Variants in TMEFF2 observed in about 807,000 individuals in gnomAD.
The protein encoded by TMEFF2 is tomoregulin-2.
Under a neutral mutation model 53.8 loss-of-function variants are expected in TMEFF2, and 28 were observed. The ratio of observed to expected loss-of-function variants is 0.52; its 90% CI spans 0.39 to 0.71. The LOEUF (loss-of-function observed/expected upper bound fraction) is 0.71, where lower values mean the gene tolerates loss of function less well. TMEFF2 is among the 30% of genes least tolerant of loss of function. TMEFF2 has a pLI of 0.00. For synonymous variants in TMEFF2, 162 were observed against 166.3 expected (o/e 0.97, Z 0.20); for missense variants, 353 against 455.2 (o/e 0.78, Z 2.04).
At chr2:192,055,774 CAAAAAAAAA>C (rs71405038) in intron 5 of TMEFF2, among the ~76,000 whole-genome samples, 1 of 42,498 alleles carries the variant, frequency 2.4e-5, no homozygotes, top group Non-Finnish European at 4.6e-5. Flanking sequence ...GACTCCATCT[CAAAAAAAAA>C]AAAAAAAAAA....
chr2:192,157,752 T>C (rs1311521751), intron 4 of TMEFF2, among the ~76,000 whole-genome samples: 1 of 152,010 alleles, frequency 6.6e-6, no homozygotes, highest in Non-Finnish European at 1.5e-5. Flanking sequence ...AAAGATAAAA[T>C]CTTTGATAAT....
rs182604153 is a variant in TMEFF2 at position 192,139,216 on chromosome 2, G to A, written c.439+40452C>T. Among the ~76,000 whole-genome samples the A allele has an allele frequency of 1.5e-3, 223 of 152,278 alleles. 2 individuals carry two copies. The highest frequency in any genetic ancestry group is 3.4e-3 in the Middle Eastern group (1 of 294). ...ACTAAGGGACATTAAAGAAGTCTTC[G>A]CATAAAATATGTGTATATGTGATAT... On this transcript the variant is annotated intron_variant, in intron 4 of 9. Coordinates refer to ENST00000272771, the MANE Select transcript of TMEFF2 (RefSeq NM_016192.4).
Position 192,194,433 on chromosome 2 carries a change from A to G in TMEFF2, c.92T>C (p.Ile31Thr), listed in dbSNP as rs1691554155. Residue 31 changes from isoleucine to threonine, a missense_variant, in exon 1 of 10, where the codon ATC becomes ACC. By Grantham distance (89) the Ile-to-Thr change is moderately conservative. This residue lies in a region of TMEFF2 where 54 missense variants were observed against 41.8 expected (regional missense o/e 1.29). Coordinates refer to ENST00000272771, the MANE Select transcript of TMEFF2 (RefSeq NM_016192.4). This position sits in a 1 kb window ranked among gnomAD's most constrained non-coding sequence, Gnocchi z 4.2. ...WLLLLPVMLL[I>T]VARPVKLAAF... ...AGCGAGCTTCACCGGGCGGGCTACG[A>G]TGAGTAGCATGACGGGCAGCAGCAG... 1 of 1,614,108 alleles carries G rather than the reference A, an allele frequency of 6.2e-7. No individual in the cohort carries two copies. Among genetic ancestry groups the G allele is most frequent in the African/African-American group, 1.3e-5 (1 of 75,004 alleles).
chr2:192,059,388 A>G (rs948464910), intron 4 of TMEFF2, among the ~76,000 whole-genome samples: 3 of 152,232 alleles, frequency 2.0e-5, no homozygotes, highest in African/African-American at 7.2e-5. Flanking sequence ...ATTAGAGTGG[A>G]CCATGGGGAT....
At chr2:192,105,902 C>G (rs1689134714) in intron 4 of TMEFF2, among the ~76,000 whole-genome samples, 1 of 151,824 alleles carries the variant, frequency 6.6e-6, no homozygotes, top group Non-Finnish European at 1.5e-5. Context: ...AACACAGTCA[C>G]TATTGGGCAT....
chr2:191,957,520 G>A (rs1692142613), intron 7 of TMEFF2, among the ~76,000 whole-genome samples: 1 of 152,046 alleles, frequency 6.6e-6, no homozygotes, highest in Non-Finnish European at 1.5e-5. Flanking sequence ...CATATTCATT[G>A]GAAGAAAAAA....
At chr2:192,033,338 TTCATA>T (rs563132162) in intron 5 of TMEFF2, among the ~76,000 whole-genome samples, 1 of 152,188 alleles carries the variant, frequency 6.6e-6, no homozygotes, top group Non-Finnish European at 1.5e-5. Context: ...TCCTAATAAC[TTCATA>T]TAATAGATGT....
At chr2:191,998,209 G>C in intron 7 of TMEFF2, 53 bp downstream of exon 7, 1 of 1,383,156 alleles carries the variant, frequency 7.2e-7, no homozygotes, top group Non-Finnish European at 1.0e-6. Flanking sequence ...CCATTTCCCA[G>C]GACTCTCTTT....
At position 191,949,376 on chromosome 2, in the gene TMEFF2, C is replaced by CAAAGCTATTCATGGGGT; in HGVS notation, c.*918_*934dup. ...ACAAATTATGGTGCTGCATTAGCCA[C>CAAAGCTATTCATGGGGT]AAAGCTATTCATGGGGTATTGGTTG... On this transcript the variant is annotated 3_prime_UTR_variant, in exon 10 of 10. Coordinates refer to ENST00000272771, the MANE Select transcript of TMEFF2 (RefSeq NM_016192.4). 1.0e-6 allele frequency: 1 copy of CAAAGCTATTCATGGGGT among 985,360 alleles called. No individual in the cohort carries two copies. Among genetic ancestry groups the CAAAGCTATTCATGGGGT allele is most frequent in the Non-Finnish European group, 1.2e-6 (1 of 829,896 alleles). 61.0% of individuals were successfully genotyped at this position (985,360 alleles called of 1,614,324 possible).
intron 4 of TMEFF2, among the ~76,000 whole-genome samples, chr2:192,104,778 T>C (rs1428033883): frequency 6.6e-5 from 10 of 152,098 alleles, no homozygotes; most frequent in Admixed American, 6.6e-4. Flanking sequence ...AATACATTCA[T>C]TTCCTATCAT....
intron 9 of TMEFF2, 101 bp from the exon 10 acceptor site, chr2:191,950,508 A>G (rs1280242407): frequency 1.4e-6 from 2 of 1,460,522 alleles, no homozygotes; most frequent in Non-Finnish European, 1.9e-6. Context: ...AATTATTAAA[A>G]TATTTCAGAT....
chr2:192,027,267 A>C (rs970649983), intron 5 of TMEFF2, among the ~76,000 whole-genome samples: 1 of 152,206 alleles, frequency 6.6e-6, no homozygotes, highest in Non-Finnish European at 1.5e-5. Flanking sequence ...TTTCACGAAG[A>C]CTGATTACCA....
chr2:192,141,484 T>C (rs1464131138), intron 4 of TMEFF2, among the ~76,000 whole-genome samples: 2 of 143,354 alleles, frequency 1.4e-5, no homozygotes, highest in African/African-American at 5.2e-5. Flanking sequence ...AAAAAAGAAG[T>C]GTAGAAGTAT....
chr2:191,949,664 G>GAGTT lies in TMEFF2; in HGVS notation c.*643_*646dup, dbSNP rs1356345669. On this transcript the variant is annotated 3_prime_UTR_variant, in exon 10 of 10. Coordinates refer to ENST00000272771, the MANE Select transcript of TMEFF2 (RefSeq NM_016192.4). ...AATATTTTCTTTCCCTCTCCTTTAT[G>GAGTT]AGTTATAAAACACTTTCCCTCCCCT... 10 of 984,996 alleles carry GAGTT rather than the reference G, an allele frequency of 1.0e-5. No individual in the cohort carries two copies. In the African/African-American group the frequency reaches 1.2e-4, roughly 12 times the overall value. The allele number at this position is 984,996 out of a possible 1,614,324, so 61.0% of individuals were successfully genotyped here. A position where few individuals can be genotyped will look rare whatever the true frequency, so the allele number is the denominator to read the frequency against.
intron 4 of TMEFF2, among the ~76,000 whole-genome samples, chr2:192,095,192 G>C (rs1362438190): frequency 2.6e-5 from 4 of 152,090 alleles, no homozygotes; most frequent in African/African-American, 7.2e-5. Flanking sequence ...TCTTCCTTTA[G>C]AGTCTACAAA....
At chr2:192,062,330 G>C (rs1308255708) in intron 4 of TMEFF2, among the ~76,000 whole-genome samples, 1 of 152,114 alleles carries the variant, frequency 6.6e-6, no homozygotes, top group Non-Finnish European at 1.5e-5. Flanking sequence ...TGTATCAATA[G>C]TTTATATCTT....
intron 3 of TMEFF2, among the ~76,000 whole-genome samples, chr2:192,180,418 AAC>A (rs1364859915): frequency 9.2e-5 from 14 of 151,790 alleles, no homozygotes; most frequent in African/African-American, 3.4e-4. Context: ...AGTTCCCAGA[AAC>A]ACACAAAATT....
chr2:192,051,230 G>GGT lies in TMEFF2; in HGVS notation c.536+6448_536+6449insAC, dbSNP rs375876597. On this transcript the variant is annotated intron_variant, in intron 5 of 9. Coordinates refer to ENST00000272771, the MANE Select transcript of TMEFF2 (RefSeq NM_016192.4). The stretch of plus-strand genomic sequence containing the variant: ...AGCAGATCTATTATCTTTTTTCTGG[G>GGT]TTTTTTTTTTTCATTGTCTCCATGA... Among the ~76,000 whole-genome samples the GGT allele has an allele frequency of 6.9e-5, 10 of 145,634 alleles. No homozygotes were observed. The South Asian group carries it at 1.5e-3, about 22-fold the overall frequency.
chr2:192,121,326 A>G (rs990779546), intron 4 of TMEFF2, among the ~76,000 whole-genome samples: 1 of 152,136 alleles, frequency 6.6e-6, no homozygotes, highest in African/African-American at 2.4e-5. Context: ...AACTATGTAG[A>G]AGTTTCTTAG....
Sources: allele counts gnomAD v4.1 joint callset (sites outside exome capture counted in the v4.1 genomes callset), GRCh38; gene constraint gnomAD v4.1.1; regional missense constraint gnomAD v4.1.1; non-coding constraint Gnocchi (gnomAD v3.1); transcripts MANE v1.5; gene names NCBI Gene and HGNC (gene_info 2026-07-23, HGNC 2026-07-21).